The following ZNF674 variants were observed in gnomAD, a reference collection of about 807,000 sequenced individuals.
ZNF674 encodes zinc finger family member 674.
Under a neutral mutation model 7.0 loss-of-function variants are expected in ZNF674, and 2 were observed. The observed-to-expected ratio is 0.29, with a 90% CI of 0.12 to 0.90. ZNF674 has a LOEUF of 0.90. Among genes scored for constraint, ZNF674 ranks in the 40% least tolerant of loss-of-function variants. The pLI, the probability that ZNF674 is intolerant of heterozygous loss-of-function variation, is 0.57. For synonymous variants in ZNF674, 103 were observed against 145.2 expected (o/e 0.71, Z 2.09); for missense variants, 297 against 415.5 (o/e 0.71, Z 2.48).
intron 5 of ZNF674, among the ~76,000 whole-genome samples, chrX:46,516,695 A>G (rs1329198619): frequency 1.8e-5 from 2 of 112,622 alleles, no homozygotes; most frequent in Non-Finnish European, 3.8e-5. Context: ...ATTACCTGAT[A>G]AAGATGAAAA....
intron 3 of ZNF674, among the ~76,000 whole-genome samples, chrX:46,540,734 A>G (rs1942277453): frequency 9.0e-6 from 1 of 111,721 alleles, no homozygotes; most frequent in Admixed American, 9.6e-5. Context: ...AAGTAGATAC[A>G]GAGAAAATTG....
chrX:46,500,903 C>T lies in ZNF674; in HGVS notation c.671G>A (p.Cys224Tyr). Reference protein sequence around the residue: ...TGEKLYKCTECGKVFIQKANL... With the variant: ...TGEKLYKCTEYGKVFIQKANL... ...TGCTTTCTGGATAAACACTTTTCCA[C>T]ATTCAGTACATTTGTAGAGTTTCTC... The change falls in exon 6 of 6, where the codon TGT becomes TAT. Residue 224 changes from cysteine to tyrosine, a missense_variant. Coordinates refer to ENST00000683375, the MANE Select transcript of ZNF674 (RefSeq NM_001190417.2). 1 of 1,184,534 alleles carries T rather than the reference C, an allele frequency of 8.4e-7. No homozygotes were observed. Among genetic ancestry groups the T allele is most frequent in the Non-Finnish European group, 1.1e-6 (1 of 880,889 alleles).
intron 5 of ZNF674, among the ~76,000 whole-genome samples, chrX:46,516,070 G>A (rs1941759110): frequency 9.0e-6 from 1 of 111,516 alleles, no homozygotes; most frequent in Admixed American, 9.6e-5. Context: ...TATGAAACTA[G>A]AAAAAGAGCA....
chrX:46,536,693 GT>G (rs1475263578), intron 3 of ZNF674, among the ~76,000 whole-genome samples: 1 of 110,361 alleles, frequency 9.1e-6, no homozygotes, highest in Non-Finnish European at 1.9e-5. Flanking sequence ...GGAGGCTGAG[GT>G]TGCAGTGAAC....
At chrX:46,517,024 A>G (rs992041669) in intron 5 of ZNF674, among the ~76,000 whole-genome samples, 6 of 111,044 alleles carry the variant, frequency 5.4e-5, no homozygotes, top group Admixed American at 2.9e-4. Context: ...AAAGAAAAAG[A>G]AAAAAGAAAA....
chrX:46,525,110 T>C (rs1246410166), intron 5 of ZNF674, among the ~76,000 whole-genome samples: 1 of 111,451 alleles, frequency 9.0e-6, no homozygotes, highest in Admixed American at 9.7e-5. Flanking sequence ...CATCAATTCA[T>C]GATAAAAATT....
chrX:46,541,572 G>A (rs894323674), intron 3 of ZNF674, among the ~76,000 whole-genome samples: 12 of 111,181 alleles, frequency 1.1e-4, no homozygotes, highest in African/African-American at 3.9e-4. Flanking sequence ...AAATATATAC[G>A]TGTACGTTTT....
intron 3 of ZNF674, among the ~76,000 whole-genome samples, chrX:46,533,829 AATAT>A (rs1197442802): frequency 2.1e-4 from 14 of 65,554 alleles, no homozygotes; most frequent in Admixed American, 3.5e-4. Flanking sequence ...AAAAAAAAAA[AATAT>A]ATATATATAT....
chrX:46,515,095 G>A (rs1278963949), intron 5 of ZNF674, among the ~76,000 whole-genome samples: 1 of 111,466 alleles, frequency 9.0e-6, no homozygotes, highest in Non-Finnish European at 1.9e-5. Flanking sequence ...TTGGCTAGGC[G>A]TGATGGTGCA....
At chrX:46,522,008 T>C (rs1265822015) in intron 5 of ZNF674, among the ~76,000 whole-genome samples, 3 of 108,511 alleles carry the variant, frequency 2.8e-5, no homozygotes, top group African/African-American at 1.0e-4. Flanking sequence ...AGGCACCGTG[T>C]AAGATTTACA....
chrX:46,498,521 ATTTG>A lies in ZNF674; in HGVS notation c.*1318_*1321del, dbSNP rs1941358638. 9.1e-6 allele frequency: 1 copy of A among 110,134 alleles called. No homozygotes were observed. Among genetic ancestry groups the A allele is most frequent in the African/African-American group, 3.3e-5 (1 of 30,268 alleles). The allele number at this position is 110,134 out of a possible 1,213,427, so 9.1% of individuals were successfully genotyped here. On this transcript the variant is annotated 3_prime_UTR_variant, in exon 6 of 6. Coordinates refer to ENST00000683375, the MANE Select transcript of ZNF674 (RefSeq NM_001190417.2). ...CCCTATTTCAGGAAGCATTTTTTCT[ATTTG>A]TTTAGGAAAATAATCTGGGAGTTTG...
At chrX:46,536,873 G>A (rs1374838210) in intron 3 of ZNF674, among the ~76,000 whole-genome samples, 1 of 112,685 alleles carries the variant, frequency 8.9e-6, no homozygotes, top group Non-Finnish European at 1.9e-5. Context: ...CATTGCTTAT[G>A]AGAAAAATGA....
intron 3 of ZNF674, among the ~76,000 whole-genome samples, chrX:46,531,397 T>C (rs1430593535): frequency 8.9e-6 from 1 of 112,207 alleles, no homozygotes; most frequent in Non-Finnish European, 1.9e-5. Flanking sequence ...GATGTATAGA[T>C]GATACCCTAC....
At chrX:46,526,364 G>A (rs745969455) in intron 5 of ZNF674, among the ~76,000 whole-genome samples, 1 of 111,182 alleles carries the variant, frequency 9.0e-6, no homozygotes, top group Non-Finnish European at 1.9e-5. Context: ...CTGCAGCCTC[G>A]TCCTCTCGTG....
chrX:46,545,188 CAATT>C (rs1439491552), intron 1 of ZNF674, among the ~76,000 whole-genome samples, 179 bp downstream of exon 1: 2 of 110,794 alleles, frequency 1.8e-5, no homozygotes, highest in Non-Finnish European at 3.8e-5. Flanking sequence ...GTGACTCAAT[CAATT>C]AGTCACTCGC....
Position 46,538,445 on chromosome X carries a change from A to C in ZNF674, c.15+3628T>G, listed in dbSNP as rs141580277. On this transcript the variant is annotated intron_variant, in intron 3 of 5. Transcript: ENST00000683375. ...GTCAAAGCAAATGAAGTATGAAAAA[A>C]TATTTGCAACATATATGATAGAGAT... 3.7e-3 allele frequency among the ~76,000 whole-genome samples: 412 copies of C among 112,294 alleles called. 3 individuals are homozygous for C. The highest frequency in any genetic ancestry group is 0.013 in the African/African-American group (396 of 30,948).
At chrX:46,513,002 T>G (rs898917681) in intron 5 of ZNF674, among the ~76,000 whole-genome samples, 2 of 111,190 alleles carry the variant, frequency 1.8e-5, no homozygotes, top group African/African-American at 6.5e-5. Context: ...CAGTGGCTCA[T>G]GTCTGTAATC....
chrX:46,543,483 C>A (rs1255313319), intron 2 of ZNF674, among the ~76,000 whole-genome samples: 1 of 111,404 alleles, frequency 9.0e-6, no homozygotes, highest in Admixed American at 9.6e-5. Context: ...CCAACCAGGG[C>A]TCAAAGGGCC....
chrX:46,528,143 G>A, intron 5 of ZNF674: 3 of 483,214 alleles, frequency 6.2e-6, no homozygotes, highest in Non-Finnish European at 1.1e-5. Context: ...CAATCTATGT[G>A]AATGCCAAGC....
Sources: allele counts gnomAD v4.1 joint callset (sites outside exome capture counted in the v4.1 genomes callset), GRCh38; gene constraint gnomAD v4.1.1; transcripts MANE v1.5; gene names NCBI Gene and HGNC (gene_info 2026-07-23, HGNC 2026-07-21).